Variants in DENND2B observed in about 807,000 individuals in gnomAD.
DENND2B encodes the protein DENN domain containing 2B, also known as DENN domain-containing protein 2B.
DENND2B carries 32 observed loss-of-function variants against 116.0 expected under a neutral mutation model. The observed-to-expected ratio is 0.28, with a 90% CI of 0.21 to 0.37. The LOEUF (loss-of-function observed/expected upper bound fraction) is 0.37, where lower values mean the gene tolerates loss of function less well. Among genes scored for constraint, DENND2B ranks in the 10% least tolerant of loss-of-function variants. DENND2B has a pLI of 1.00. For synonymous variants in DENND2B, 588 were observed against 583.9 expected (o/e 1.01, Z -0.10); for missense variants, 1,276 against 1,477.7 (o/e 0.86, Z 2.24).
intron 4 of DENND2B, among the ~76,000 whole-genome samples, chr11:8,820,272 C>A (rs2061713089): frequency 1.3e-5 from 2 of 152,050 alleles, no homozygotes; most frequent in African/African-American, 4.8e-5. Flanking sequence ...CCATAGAAAA[C>A]AGTCTGTGTT....
intron 1 of DENND2B, among the ~76,000 whole-genome samples, chr11:8,756,505 A>G (rs906536595): frequency 2.0e-5 from 3 of 152,208 alleles, no homozygotes; most frequent in African/African-American, 7.2e-5. Flanking sequence ...AGGCATCTTG[A>G]GCTGGCACTG....
At chr11:8,893,332 C>T (rs977354329) in intron 1 of DENND2B, among the ~76,000 whole-genome samples, 49 of 152,202 alleles carry the variant, frequency 3.2e-4, no homozygotes, top group Admixed American at 5.9e-4. Context: ...CTTTGAAAAC[C>T]GGCACAAGAC....
intron 3 of DENND2B, among the ~76,000 whole-genome samples, chr11:8,842,222 CTT>C (rs1017751405): frequency 6.6e-6 from 1 of 152,060 alleles, no homozygotes; most frequent in Non-Finnish European, 1.5e-5. Flanking sequence ...TTTTTAGAGA[CTT>C]TTTTAAAAAC....
In DENND2B at chr11:8,696,560, C is replaced by T. The variant is rs762547818; in HGVS notation, c.3159G>A (p.Arg1053=). 6.2e-7 allele frequency: 1 copy of T among 1,614,172 alleles called. No homozygotes were observed. Among genetic ancestry groups the T allele is most frequent in the Non-Finnish European group, 8.5e-7 (1 of 1,180,042 alleles). Residue 1053 remains arginine (R), a synonymous_variant, in exon 18 of 20, where the codon AGG becomes AGA. Transcript: ENST00000313726. ...LFLTQSEKGE[R]AFQREAFRKS... ...TGCGGAAGGCCTCTCGCTGAAAGGC[C>T]CTCTCTCCCTTCTCACTCTGTGTCA... is the stretch of plus-strand genomic sequence containing the variant.
intron 4 of DENND2B, among the ~76,000 whole-genome samples, chr11:8,816,049 T>G (rs1335010961): frequency 6.6e-6 from 1 of 152,102 alleles, no homozygotes; most frequent in African/African-American, 2.4e-5. Flanking sequence ...AGGAACAGAG[T>G]AAATCTTTTC....
intron 2 of DENND2B, among the ~76,000 whole-genome samples, chr11:8,736,278 G>A (rs2049012555): frequency 6.6e-6 from 1 of 152,058 alleles, no homozygotes; most frequent in South Asian, 2.1e-4. Flanking sequence ...TAGAGCCTGG[G>A]AGGTCAAGGC....
Position 8,856,082 on chromosome 11 carries a change from G to A in DENND2B, c.-156+1261C>T, listed in dbSNP as rs189165436. Among the ~76,000 whole-genome samples, 257 of 152,292 alleles carry A rather than the reference G, an allele frequency of 1.7e-3. 1 individual carries two copies. The highest frequency in any genetic ancestry group is 6.0e-3 in the African/African-American group (250 of 41,558). On this transcript the variant is annotated intron_variant, in intron 3 of 6. Transcript: ENST00000524757. The stretch of plus-strand genomic sequence containing the variant: ...AGTGAACAGGCTGAACCAACTGAAG[G>A]TTTATGGACCAAGCTGTATAACGTT...
chr11:8,794,470 G>A lies in DENND2B; in HGVS notation c.-26+16047C>T, dbSNP rs141815466. The stretch of plus-strand genomic sequence containing the variant: ...TGTCTCAGGCTATGTATGGGTAGCC[G>A]TCTCCCTTCCTACATTGAAACAGAA... On this transcript the variant is annotated intron_variant, in intron 1 of 19. Coordinates refer to ENST00000313726, the MANE Select transcript of DENND2B (RefSeq NM_213618.2). 1.1e-3 allele frequency among the ~76,000 whole-genome samples: 173 copies of A among 152,332 alleles called. 2 individuals are homozygous for A. In the Middle Eastern group the frequency reaches 0.027, roughly 24 times the overall value.
At chr11:8,872,213 C>T (rs1326894899), upstream of DENND2B, among the ~76,000 whole-genome samples, 3 of 152,120 alleles carry the variant, frequency 2.0e-5, no homozygotes, top group Non-Finnish European at 4.4e-5. Flanking sequence ...TGAGGCCGGG[C>T]GCGGTGGCTC....
At chr11:8,770,082 G>A (rs2056594992) in intron 1 of DENND2B, among the ~76,000 whole-genome samples, 1 of 152,168 alleles carries the variant, frequency 6.6e-6, no homozygotes, top group Non-Finnish European at 1.5e-5. Flanking sequence ...GTGTAGCTGT[G>A]AAGGGCAACT....
In DENND2B at chr11:8,713,288, G is replaced by C. The variant is rs111671412; in HGVS notation, c.1988-553C>G. On this transcript the variant is annotated intron_variant, in intron 8 of 19. Coordinates refer to ENST00000313726, the MANE Select transcript of DENND2B (RefSeq NM_213618.2). ...GGGACAGGGGAGATGGGGGACTGCA[G>C]GGCCTCCAGAGAAACAGTTTCCTCA... Among the ~76,000 whole-genome samples the C allele has an allele frequency of 5.5e-3, 838 of 152,244 alleles. 6 individuals are homozygous for C. The highest frequency in any genetic ancestry group is 0.02 in the African/African-American group (814 of 41,526).
At chr11:8,774,953 T>C (rs1452265398) in intron 1 of DENND2B, among the ~76,000 whole-genome samples, 2 of 151,890 alleles carry the variant, frequency 1.3e-5, no homozygotes, top group Non-Finnish European at 2.9e-5. Flanking sequence ...TGATCTTGGC[T>C]CACTGCAACT....
intron 2 of DENND2B, among the ~76,000 whole-genome samples, chr11:8,741,307 G>A (rs542651729): frequency 1.3e-5 from 2 of 152,330 alleles, no homozygotes; most frequent in African/African-American, 4.8e-5. Flanking sequence ...GAAGCACCAA[G>A]TGGACCGCTG....
chr11:8,813,369 C>T (rs559062443), upstream of DENND2B, among the ~76,000 whole-genome samples: 14 of 152,236 alleles, frequency 9.2e-5, no homozygotes, highest in East Asian at 2.5e-3. Flanking sequence ...CAAGCCCCAG[C>T]TGAAGAATCC....
intron 2 of DENND2B, among the ~76,000 whole-genome samples, chr11:8,863,616 G>A (rs762949873): frequency 1.3e-5 from 2 of 152,108 alleles, no homozygotes; most frequent in Non-Finnish European, 2.9e-5. Flanking sequence ...ATGTACAAAT[G>A]GGGGAAAAAT....
chr11:8,894,494 A>G (rs527569608), intron 1 of DENND2B, among the ~76,000 whole-genome samples: 2 of 152,104 alleles, frequency 1.3e-5, no homozygotes, highest in Admixed American at 1.3e-4. Flanking sequence ...TTTGCAACCT[A>G]CTCATCTGAC....
At chr11:8,889,797 G>A (rs2064005777) in intron 1 of DENND2B, among the ~76,000 whole-genome samples, 1 of 152,228 alleles carries the variant, frequency 6.6e-6, no homozygotes, top group South Asian at 2.1e-4. Flanking sequence ...GCCTGCCTCT[G>A]TAGACTCCAC....
chr11:8,809,622 T>C (rs1230460648), intron 1 of DENND2B: 1 of 152,348 alleles, frequency 6.6e-6, no homozygotes, highest in Non-Finnish European at 1.5e-5. Flanking sequence ...GCTCACCATG[T>C]ACCACTCCTC....
chr11:8,736,405 G>C (rs748500041), intron 2 of DENND2B, among the ~76,000 whole-genome samples: 1 of 151,954 alleles, frequency 6.6e-6, no homozygotes, highest in Non-Finnish European at 1.5e-5. Flanking sequence ...AACAGACAAA[G>C]TCTCTTTTTC....
Sources: gnomAD v4.1 joint callset for allele counts (sites outside exome capture counted in the v4.1 genomes callset) on GRCh38, gnomAD v4.1.1 for gene constraint, MANE v1.5 for transcripts, NCBI Gene and HGNC (gene_info 2026-07-23, HGNC 2026-07-21) for gene names.